The following ACTR3C variants were observed in gnomAD, a reference collection of about 807,000 sequenced individuals.
ACTR3C encodes the protein actin related protein 3C.
Under a neutral mutation model 26.3 loss-of-function variants are expected in ACTR3C, and 18 were observed. That is an observed-to-expected ratio of 0.68 (90% CI 0.47 to 1.01). The LOEUF (loss-of-function observed/expected upper bound fraction) is 1.01, where lower values mean the gene tolerates loss of function less well. Among genes scored for constraint, ACTR3C ranks in the 50% least tolerant of loss-of-function variants. The pLI, the probability that ACTR3C is intolerant of heterozygous loss-of-function variation, is 0.00. For synonymous variants in ACTR3C, 55 were observed against 94.5 expected (o/e 0.58, Z 2.42); for missense variants, 184 against 250.7 (o/e 0.73, Z 1.80).
At chr7:150,127,980 A>T in the ACTR3C span, among the ~76,000 whole-genome samples, 6 of 151,568 alleles carry the variant, frequency 4.0e-5, no homozygotes, top group African/African-American at 1.5e-4. Flanking sequence ...ACAGAAGTAG[A>T]CTATTTTACA....
chr7:150,015,750 A>C, the ACTR3C span, among the ~76,000 whole-genome samples: 2 of 152,254 alleles, frequency 1.3e-5, no homozygotes, highest in South Asian at 4.2e-4. Context: ...TTCATTGCCC[A>C]GCCTACTCCA....
the ACTR3C span, among the ~76,000 whole-genome samples, chr7:149,977,895 G>A: frequency 9.2e-5 from 14 of 151,370 alleles, no homozygotes; most frequent in South Asian, 2.1e-4. Context: ...CCAACCAGTC[G>A]GTCAGCTTTT....
the ACTR3C span, among the ~76,000 whole-genome samples, chr7:150,036,920 C>T: frequency 1.1e-5 from 1 of 94,820 alleles, no homozygotes; most frequent in African/African-American, 3.9e-5. Flanking sequence ...CCTCCCCCCT[C>T]TGCGATGGGG....
the ACTR3C span, among the ~76,000 whole-genome samples, chr7:149,951,743 C>T: frequency 6.6e-6 from 1 of 151,538 alleles, no homozygotes; most frequent in South Asian, 2.1e-4. Context: ...GATCCAGGAC[C>T]TTAATTATAA....
the ACTR3C span, among the ~76,000 whole-genome samples, chr7:150,229,778 GAGCCACTATGCCC>G: frequency 6.6e-6 from 1 of 151,160 alleles, no homozygotes; most frequent in East Asian, 1.9e-4. Context: ...TAACAGGCGT[GAGCCACTATGCCC>G]AGCCTTAGAG....
the ACTR3C span, among the ~76,000 whole-genome samples, chr7:150,059,997 C>T: frequency 6.6e-5 from 10 of 152,182 alleles, no homozygotes; most frequent in South Asian, 2.1e-4. Flanking sequence ...AAAATACTTT[C>T]GGCACACATG....
At chr7:150,242,130 C>T (rs1364474544), downstream of ACTR3C, among the ~76,000 whole-genome samples, 7 of 151,692 alleles carry the variant, frequency 4.6e-5, no homozygotes, top group Non-Finnish European at 1.0e-4. Context: ...GCAGGAGAAT[C>T]GCTTGACCCT....
At chr7:149,886,220 C>G in the ACTR3C span, among the ~76,000 whole-genome samples, 2 of 152,142 alleles carry the variant, frequency 1.3e-5, no homozygotes, top group African/African-American at 4.8e-5. Context: ...ATGCACTTTG[C>G]GGAAGAGAAG....
chr7:150,065,509 A>G, the ACTR3C span, among the ~76,000 whole-genome samples: 3 of 152,214 alleles, frequency 2.0e-5, no homozygotes, highest in Non-Finnish European at 4.4e-5. Context: ...TTGAACCCCA[A>G]TGATCAGCTA....
chr7:149,892,186 C>T, the ACTR3C span: 5 of 1,311,828 alleles, frequency 3.8e-6, no homozygotes, highest in Non-Finnish European at 5.2e-6. Flanking sequence ...CATTCTACAA[C>T]TCGCAAATAC....
the ACTR3C span, among the ~76,000 whole-genome samples, chr7:150,142,675 C>A: frequency 1.3e-5 from 2 of 149,282 alleles, no homozygotes; most frequent in East Asian, 4.0e-4. Flanking sequence ...ATTACAGACG[C>A]CCACCACCAC....
At chr7:149,928,349 C>T in the ACTR3C span, among the ~76,000 whole-genome samples, 17 of 150,198 alleles carry the variant, frequency 1.1e-4, no homozygotes, top group South Asian at 2.1e-4. Context: ...AAAATTAGCC[C>T]GCCAGTGTGC....
At chr7:150,295,199 C>A (rs1474659097) in intron 2 of ACTR3C, 53 bp downstream of exon 2, 7 of 1,592,768 alleles carry the variant, frequency 4.4e-6, no homozygotes, top group Middle Eastern at 3.3e-4. Context: ...ACCATTTCTT[C>A]CGCTACTAGA....
At chr7:150,161,361 G>A in the ACTR3C span, among the ~76,000 whole-genome samples, 26 of 151,008 alleles carry the variant, frequency 1.7e-4, no homozygotes, top group African/African-American at 5.4e-4. Flanking sequence ...CTATCCCTCC[G>A]CCAGTCCCCC....
chr7:150,179,809 T>C, the ACTR3C span, among the ~76,000 whole-genome samples: 1 of 151,718 alleles, frequency 6.6e-6, no homozygotes, highest in African/African-American at 2.4e-5. Context: ...ATGGGATTTT[T>C]ACATGTTAAT....
intron 1 of ACTR3C, among the ~76,000 whole-genome samples, chr7:150,311,523 C>T (rs1188606871): frequency 2.6e-5 from 4 of 152,248 alleles, no homozygotes; most frequent in East Asian, 3.8e-4. Context: ...GCTCTATTCA[C>T]TCTTTATTGA....
the ACTR3C span, among the ~76,000 whole-genome samples, chr7:149,979,341 C>G: frequency 1.3e-5 from 2 of 152,170 alleles, no homozygotes; most frequent in African/African-American, 4.8e-5. Context: ...CAGGACTAAA[C>G]ATTCTTTAAA....
the ACTR3C span, among the ~76,000 whole-genome samples, chr7:150,083,552 G>A: frequency 6.6e-6 from 1 of 152,134 alleles, no homozygotes; most frequent in East Asian, 1.9e-4. Flanking sequence ...AGGTGACAGA[G>A]TGAGACCCTG....
At chr7:150,033,258 A>T in the ACTR3C span, among the ~76,000 whole-genome samples, 137 of 148,090 alleles carry the variant, frequency 9.3e-4, no homozygotes, top group East Asian at 0.023. Flanking sequence ...TGGGTTGCAA[A>T]AGCTCCTGGA....
Sources: gnomAD v4.1 joint callset for allele counts (sites outside exome capture counted in the v4.1 genomes callset) on GRCh38, gnomAD v4.1.1 for gene constraint, MANE v1.5 for transcripts, NCBI Gene and HGNC (gene_info 2026-07-23, HGNC 2026-07-21) for gene names.